Variants in EPB41L3 observed in about 807,000 individuals in gnomAD.
EPB41L3 encodes erythrocyte membrane protein band 4.1 like 3, also known as band 4.1-like protein 3.
In EPB41L3, 57 loss-of-function variants were observed where a neutral mutation model predicts 127.1. The ratio of observed to expected loss-of-function variants is 0.45; its 90% CI spans 0.36 to 0.56. The LOEUF (loss-of-function observed/expected upper bound fraction) is 0.56, where lower values mean the gene tolerates loss of function less well. EPB41L3 is among the 20% of genes least tolerant of loss of function. The probability of loss-of-function intolerance (pLI) is 0.00; values close to 1 mark genes in which losing one functional copy is unlikely to be tolerated. For synonymous variants in EPB41L3, 572 were observed against 549.5 expected (o/e 1.04, Z -0.57); for missense variants, 1,273 against 1,372.2 (o/e 0.93, Z 1.14).
intron 3 of EPB41L3, among the ~76,000 whole-genome samples, chr18:5,603,358 G>T (rs765270006): frequency 3.7e-4 from 56 of 152,138 alleles, no homozygotes; most frequent in Non-Finnish European, 6.9e-4. Flanking sequence ...ATGTCAGAAG[G>T]CAAGACTTGG....
intron 1 of EPB41L3, among the ~76,000 whole-genome samples, chr18:5,491,091 G>A (rs2090543729): frequency 6.6e-6 from 1 of 152,206 alleles, no homozygotes; most frequent in Non-Finnish European, 1.5e-5. Context: ...CTGTGGCTGT[G>A]GATTAAGACT....
At chr18:5,417,752 G>C (rs371038853) in intron 12 of EPB41L3, among the ~76,000 whole-genome samples, 1 of 152,184 alleles carries the variant, frequency 6.6e-6, no homozygotes, top group East Asian at 1.9e-4. Flanking sequence ...CTCTTTTTAC[G>C]ATGAGAGAAG....
At chr18:5,400,542 A>G in intron 16 of EPB41L3, 1 of 457,224 alleles carries the variant, frequency 2.2e-6, no homozygotes, top group Non-Finnish European at 4.4e-6. Context: ...TTTGACGAGA[A>G]GTAACCACAG....
At chr18:5,423,325 C>T (rs59407154) in intron 11 of EPB41L3, 53 bp downstream of exon 11, 45,913 of 1,473,476 alleles carry the variant, frequency 0.031, 1,430 homozygotes, top group African/African-American at 0.15. Flanking sequence ...GACAGTTTCA[C>T]ATTCTTTTTG....
chr18:5,420,951 C>T (rs2077397997), intron 11 of EPB41L3, among the ~76,000 whole-genome samples: 1 of 152,196 alleles, frequency 6.6e-6, no homozygotes, highest in East Asian at 1.9e-4. Context: ...TCTCTTTACA[C>T]CGTTGAAAAA....
At chr18:5,596,157 G>C (rs2094535044) in intron 3 of EPB41L3, among the ~76,000 whole-genome samples, 1 of 152,194 alleles carries the variant, frequency 6.6e-6, no homozygotes, top group South Asian at 2.1e-4. Flanking sequence ...CTGAAGGCCA[G>C]AATGAGCCAT....
At chr18:5,438,606 G>C (rs1420341170) in intron 5 of EPB41L3, among the ~76,000 whole-genome samples, 2 of 152,222 alleles carry the variant, frequency 1.3e-5, no homozygotes, top group African/African-American at 4.8e-5. Flanking sequence ...TATGGGAAAG[G>C]TTTGTTGCAG....
chr18:5,425,161 G>T (rs1318087771), intron 9 of EPB41L3, among the ~76,000 whole-genome samples: 1 of 152,226 alleles, frequency 6.6e-6, no homozygotes, highest in African/African-American at 2.4e-5. Context: ...GCACACAATG[G>T]GTACTACTGC....
At position 5,587,596 on chromosome 18, in the gene EPB41L3, C is replaced by G. The variant is rs145012862; in HGVS notation, c.-306+24744G>C. Among the ~76,000 whole-genome samples the G allele has an allele frequency of 8.7e-3, 1,321 of 152,150 alleles. 15 individuals carry two copies. Among genetic ancestry groups the G allele is most frequent in the African/African-American group, 0.025 (1,027 of 41,492 alleles). On this transcript the variant is annotated intron_variant, in intron 3 of 21. Transcript: ENST00000545076. ...GGCACTACTGTATTTGGAAGACTAT[C>G]CCAGGGAAGGCACACTGGTAGCATA...
In EPB41L3 at chr18:5,478,372, C is replaced by G. The variant is rs867719226; in HGVS notation, c.250G>C (p.Asp84His). 3 of 1,614,126 alleles carry G rather than the reference C, an allele frequency of 1.9e-6. No homozygotes were observed. Among genetic ancestry groups the G allele is most frequent in the Non-Finnish European group, 2.5e-6 (3 of 1,180,004 alleles). ...AKQLEYQQLE[D>H]DKLSQKSSSS... ...GATGATTTCTGAGAAAGTTTATCGT[C>G]TTCTAATTGCTGATATTCGAGCTGT... is the stretch of plus-strand genomic sequence containing the variant. The change falls in exon 3 of 23, where the codon GAC becomes CAC. Residue 84 changes from aspartate to histidine, a missense_variant. Transcript: ENST00000341928.
chr18:5,424,973 C>G (rs527305750), intron 9 of EPB41L3, among the ~76,000 whole-genome samples: 2 of 152,256 alleles, frequency 1.3e-5, no homozygotes, highest in African/African-American at 4.8e-5. Context: ...TATTTTTCAG[C>G]ATGTACACTT....
chr18:5,438,031 A>G lies in EPB41L3; in HGVS notation c.605+4T>C, dbSNP rs776788215. The G allele has an allele frequency of 6.2e-7, 1 of 1,613,238 alleles. No homozygotes were observed. The highest frequency in any genetic ancestry group is 1.3e-5 in the African/African-American group (1 of 75,022). On this transcript the variant is annotated splice_donor_region_variant and intron_variant, in intron 6 of 22. Transcript: ENST00000341928. ...TGTCTTTTGCATAGCCAACTTTCAA[A>G]TACCTGGTGATATCTTCAGATAGTT...
chr18:5,397,942 C>A lies in EPB41L3; in HGVS notation c.2472+79G>T. 1 of 1,578,102 alleles carries A rather than the reference C, an allele frequency of 6.3e-7. No homozygotes were observed. Among genetic ancestry groups the A allele is most frequent in the Non-Finnish European group, 8.7e-7 (1 of 1,153,578 alleles). The stretch of plus-strand genomic sequence containing the variant: ...AGGCAAAGCCAGCTGGATGCAACCA[C>A]ACACTCACGCCCAAAAAAAGGGTAA... On this transcript the variant is annotated intron_variant, in intron 17 of 22. Transcript: ENST00000341928. The surrounding 1 kb of genome is among the most constrained non-coding windows in gnomAD (Gnocchi z 4.1).
At chr18:5,614,611 C>T (rs927432328) in intron 1 of EPB41L3, among the ~76,000 whole-genome samples, 2 of 152,060 alleles carry the variant, frequency 1.3e-5, no homozygotes, top group Non-Finnish European at 2.9e-5. Flanking sequence ...TGTACCTCTG[C>T]CCTCTGAAGT....
At chr18:5,440,880 A>G (rs2080607136) in intron 5 of EPB41L3, among the ~76,000 whole-genome samples, 1 of 152,102 alleles carries the variant, frequency 6.6e-6, no homozygotes, top group Non-Finnish European at 1.5e-5. Flanking sequence ...TTCAGTTTCA[A>G]AATTTTGTTT....
chr18:5,437,926 C>T (rs1050919519), intron 6 of EPB41L3, 109 bp downstream of exon 6: 5 of 890,084 alleles, frequency 5.6e-6, no homozygotes, highest in South Asian at 3.4e-5. Flanking sequence ...GCCATTTGAG[C>T]GTGGATGATT....
chr18:5,499,829 G>GTGTGTGTATATATA (rs563662904), intron 1 of EPB41L3, among the ~76,000 whole-genome samples: 4 of 124,616 alleles, frequency 3.2e-5, no homozygotes, highest in African/African-American at 1.2e-4. Flanking sequence ...CTATGTGTGT[G>GTGTGTGTATATATA]TATATATATA....
chr18:5,423,711 A>T (rs1376083767), intron 10 of EPB41L3, among the ~76,000 whole-genome samples, 158 bp from the exon 11 acceptor site: 1 of 152,268 alleles, frequency 6.6e-6, no homozygotes, highest in East Asian at 1.9e-4. Context: ...GAATGCATAT[A>T]GTATATATCA....
intron 16 of EPB41L3, among the ~76,000 whole-genome samples, chr18:5,405,550 G>C (rs984193018): frequency 2.0e-5 from 3 of 152,076 alleles, no homozygotes; most frequent in Non-Finnish European, 2.9e-5. Context: ...AGCTTCCTTG[G>C]GAGGCTGAGG....
Sources: gnomAD v4.1 joint callset for allele counts (sites outside exome capture counted in the v4.1 genomes callset) on GRCh38, gnomAD v4.1.1 for gene constraint, Gnocchi (gnomAD v3.1) non-coding constraint, MANE v1.5 for transcripts, NCBI Gene and HGNC (gene_info 2026-07-23, HGNC 2026-07-21) for gene names.